The following NKAIN2 variants were observed in gnomAD, a reference collection of about 807,000 sequenced individuals.
The protein encoded by NKAIN2 is sodium/potassium transporting ATPase interacting 2.
Under a neutral mutation model 32.6 loss-of-function variants are expected in NKAIN2, and 14 were observed. The ratio of observed to expected loss-of-function variants is 0.43; its 90% CI spans 0.28 to 0.67. The LOEUF is 0.67. Ranked by LOEUF, NKAIN2 falls within the 30% of genes least tolerant of loss-of-function variation. NKAIN2 has a pLI of 0.17. For synonymous variants in NKAIN2, 80 were observed against 87.2 expected (o/e 0.92, Z 0.46); for missense variants, 198 against 258.3 (o/e 0.77, Z 1.60).
intron 3 of NKAIN2, among the ~76,000 whole-genome samples, chr6:124,373,589 C>T (rs1368797724): frequency 6.6e-6 from 1 of 152,004 alleles, no homozygotes; most frequent in Admixed American, 6.6e-5. Context: ...GAATTATGCC[C>T]CAGGGCTCTG....
At chr6:123,937,109 C>T (rs1320879251) in intron 1 of NKAIN2, among the ~76,000 whole-genome samples, 1 of 152,056 alleles carries the variant, frequency 6.6e-6, no homozygotes, top group Non-Finnish European at 1.5e-5. Context: ...ATTTGCTGTT[C>T]TGCTATTAGG....
intron 3 of NKAIN2, among the ~76,000 whole-genome samples, chr6:124,560,556 A>G (rs1341387291): frequency 6.6e-6 from 1 of 152,242 alleles, no homozygotes; most frequent in Non-Finnish European, 1.5e-5. Context: ...TAGCCCTAGT[A>G]AAGTTATTTA....
intron 4 of NKAIN2, among the ~76,000 whole-genome samples, chr6:124,757,818 T>C (rs761473843): frequency 3.9e-5 from 6 of 152,148 alleles, no homozygotes; most frequent in Non-Finnish European, 8.8e-5. Context: ...TAGACCCAAA[T>C]AGTCTTAAAC....
chr6:124,220,777 CT>C (rs1486982417), intron 1 of NKAIN2, among the ~76,000 whole-genome samples: 1 of 151,866 alleles, frequency 6.6e-6, no homozygotes, highest in Non-Finnish European at 1.5e-5. Context: ...GAGTGGGAAC[CT>C]TTAGTTTTAT....
chr6:124,404,227 T>G (rs1377270640), intron 3 of NKAIN2, among the ~76,000 whole-genome samples: 4 of 152,124 alleles, frequency 2.6e-5, no homozygotes, highest in African/African-American at 9.7e-5. Context: ...TGGAGATGAT[T>G]GGAAGATAGG....
chr6:123,938,385 A>G (rs1776620288), intron 1 of NKAIN2, among the ~76,000 whole-genome samples: 1 of 129,740 alleles, frequency 7.7e-6, no homozygotes, highest in African/African-American at 2.8e-5. Context: ...ACCAGAACTC[A>G]TTTGCAAGGG....
At position 123,835,250 on chromosome 6, in the gene NKAIN2, A is replaced by T. The variant is rs553822538; in HGVS notation, c.54+30996A>T. On this transcript the variant is annotated intron_variant, in intron 1 of 6. Coordinates refer to ENST00000368417, the MANE Select transcript of NKAIN2 (RefSeq NM_001040214.3). ...ATCACAAAAATAGAGGAGCATTTGA[A>T]ATTCCACCCACCCATGTTTGTTAAT... 5.3e-5 allele frequency among the ~76,000 whole-genome samples: 8 copies of T among 152,290 alleles called. No individual in the cohort carries two copies. The East Asian group carries it at 1.5e-3, about 29-fold the overall frequency.
intron 2 of NKAIN2, among the ~76,000 whole-genome samples, chr6:124,294,463 T>C (rs1287170930): frequency 6.6e-6 from 1 of 152,146 alleles, no homozygotes; most frequent in Admixed American, 6.6e-5. Context: ...GGGTTTCAGC[T>C]TCATGTTAAT....
intron 3 of NKAIN2, among the ~76,000 whole-genome samples, chr6:124,569,451 C>T (rs771362062): frequency 1.3e-5 from 2 of 152,122 alleles, no homozygotes; most frequent in African/African-American, 2.4e-5. Context: ...GGCTGTGTCC[C>T]CACCCAAATC....
chr6:124,010,629 A>T (rs1780279675), intron 1 of NKAIN2, among the ~76,000 whole-genome samples: 1 of 151,516 alleles, frequency 6.6e-6, no homozygotes, highest in Non-Finnish European at 1.5e-5. Flanking sequence ...CTTTACTGCC[A>T]TTCTCTCACC....
At chr6:124,798,950 T>A (rs1780132338) in intron 5 of NKAIN2, among the ~76,000 whole-genome samples, 1 of 152,188 alleles carries the variant, frequency 6.6e-6, no homozygotes. Context: ...AGGAAGTATT[T>A]GCAAAATAAA....
At chr6:124,209,401 G>A (rs1439773013) in intron 1 of NKAIN2, among the ~76,000 whole-genome samples, 1 of 151,782 alleles carries the variant, frequency 6.6e-6, no homozygotes, top group Admixed American at 6.6e-5. Context: ...GAATAGTGCT[G>A]CAATACATAT....
chr6:124,334,686 C>CA (rs1797796419), intron 2 of NKAIN2, among the ~76,000 whole-genome samples: 1 of 152,104 alleles, frequency 6.6e-6, no homozygotes, highest in African/African-American at 2.4e-5. Context: ...TCTATTAGAG[C>CA]AATTTGGGAG....
chr6:124,488,612 G>T (rs1234831825), intron 3 of NKAIN2, among the ~76,000 whole-genome samples: 2 of 151,944 alleles, frequency 1.3e-5, no homozygotes, highest in East Asian at 3.9e-4. Flanking sequence ...TGGAGGGAAG[G>T]TTTCTTCAAA....
intron 4 of NKAIN2, among the ~76,000 whole-genome samples, chr6:124,767,044 G>A (rs1417028508): frequency 1.3e-5 from 2 of 151,966 alleles, no homozygotes; most frequent in African/African-American, 2.4e-5. Context: ...ATAGGCATCC[G>A]CCATCACGCC....
chr6:124,611,642 C>T (rs1314222341), intron 3 of NKAIN2, among the ~76,000 whole-genome samples: 5 of 152,092 alleles, frequency 3.3e-5, no homozygotes, highest in Non-Finnish European at 1.5e-5. Flanking sequence ...GTTTTCTGTT[C>T]CTGTGGTAAA....
At chr6:124,052,010 G>A (rs756716715) in intron 1 of NKAIN2, among the ~76,000 whole-genome samples, 9 of 151,976 alleles carry the variant, frequency 5.9e-5, no homozygotes, top group Non-Finnish European at 1.2e-4. Flanking sequence ...CCTGGACTAG[G>A]TGGTAGGTTA....
At chr6:124,159,294 C>A (rs1354401104) in intron 1 of NKAIN2, among the ~76,000 whole-genome samples, 1 of 152,060 alleles carries the variant, frequency 6.6e-6, no homozygotes, top group Non-Finnish European at 1.5e-5. Context: ...ATGTTTTAAT[C>A]ATTTATTGCT....
At chr6:124,394,521 G>T (rs1173592771) in intron 3 of NKAIN2, among the ~76,000 whole-genome samples, 5 of 143,342 alleles carry the variant, frequency 3.5e-5, no homozygotes, top group African/African-American at 1.3e-4. Flanking sequence ...GATAGATACA[G>T]ACAGACAGAT....
Sources: allele counts gnomAD v4.1 joint callset (sites outside exome capture counted in the v4.1 genomes callset), GRCh38; gene constraint gnomAD v4.1.1; transcripts MANE v1.5; gene names NCBI Gene and HGNC (gene_info 2026-07-23, HGNC 2026-07-21).